The following LRRC4C variants were observed in gnomAD, a reference collection of about 807,000 sequenced individuals.
The protein encoded by LRRC4C is leucine rich repeat containing 4C, also known as leucine-rich repeat-containing protein 4C.
LRRC4C carries 5 observed loss-of-function variants against 33.6 expected under a neutral mutation model. That is an observed-to-expected ratio of 0.15 (90% CI 0.08 to 0.31). LRRC4C has a LOEUF of 0.31. Ranked by LOEUF, LRRC4C falls within the 10% of genes least tolerant of loss-of-function variation. The pLI is 1.00. For missense variants in LRRC4C, 560 were observed against 796.7 expected (o/e 0.70, Z 3.58); for synonymous variants, 329 against 302.0 (o/e 1.09, Z -0.93).
chr11:40,409,744 A>G (rs1303831706), intron 3 of LRRC4C, among the ~76,000 whole-genome samples: 1 of 152,060 alleles, frequency 6.6e-6, no homozygotes, highest in Non-Finnish European at 1.5e-5. Context: ...CGGTTTAGAA[A>G]TGATGTGGAG....
chr11:40,554,780 G>T (rs1434545483), intron 3 of LRRC4C, among the ~76,000 whole-genome samples: 1 of 115,826 alleles, frequency 8.6e-6, no homozygotes, highest in East Asian at 2.5e-4. Flanking sequence ...TCGCTCTGTC[G>T]CCCAGGTGTC....
chr11:40,490,487 C>T (rs1012590246), intron 3 of LRRC4C, among the ~76,000 whole-genome samples: 3 of 152,030 alleles, frequency 2.0e-5, no homozygotes, highest in Non-Finnish European at 4.4e-5. Flanking sequence ...TCTGTAATTA[C>T]TTAGATTTTT....
chr11:40,218,966 G>T (rs1039653807), intron 5 of LRRC4C, among the ~76,000 whole-genome samples: 1 of 151,980 alleles, frequency 6.6e-6, no homozygotes, highest in Non-Finnish European at 1.5e-5. Flanking sequence ...TATCTGCAAG[G>T]CTAGCTCTTT....
intron 1 of LRRC4C, among the ~76,000 whole-genome samples, chr11:41,043,977 A>G (rs1857604773): frequency 6.6e-6 from 1 of 152,074 alleles, no homozygotes; most frequent in Non-Finnish European, 1.5e-5. Context: ...AAAACACACA[A>G]CATATATCCA....
intron 2 of LRRC4C, among the ~76,000 whole-genome samples, chr11:40,857,053 C>T (rs1953820751): frequency 6.6e-6 from 1 of 152,148 alleles, no homozygotes; most frequent in Non-Finnish European, 1.5e-5. Context: ...AAAAGTGATT[C>T]CCAGCAAATG....
chr11:40,153,087 G>C (rs1858361727), intron 5 of LRRC4C, among the ~76,000 whole-genome samples: 1 of 152,154 alleles, frequency 6.6e-6, no homozygotes, highest in Non-Finnish European at 1.5e-5. Flanking sequence ...TCATGACTGA[G>C]AGACCCATAG....
At position 40,869,595 on chromosome 11, in the gene LRRC4C, T is replaced by C. The variant is rs749082811; in HGVS notation, c.-407+64040A>G. Among the ~76,000 whole-genome samples the C allele has an allele frequency of 3.3e-4, 50 of 152,210 alleles. 1 individual carries two copies. The highest frequency in any genetic ancestry group is 1.2e-3 in the African/African-American group (48 of 41,544). ...AGTTTAACTGGTATATGACCTTCTA[T>C]GGACATTTGGCTGGTAAGAGAACAC... On this transcript the variant is annotated intron_variant, in intron 2 of 6. Transcript: ENST00000528697.
intron 4 of LRRC4C, among the ~76,000 whole-genome samples, chr11:40,311,694 C>T (rs887007668): frequency 1.3e-5 from 2 of 152,078 alleles, no homozygotes; most frequent in Admixed American, 6.5e-5. Flanking sequence ...CACCTGTAAT[C>T]CCAGTATTTT....
At chr11:41,342,969 G>A (rs1279779290) in intron 1 of LRRC4C, among the ~76,000 whole-genome samples, 2 of 152,128 alleles carry the variant, frequency 1.3e-5, no homozygotes, top group East Asian at 3.9e-4. Context: ...ATTTCTGGTG[G>A]TGACAACCTT....
At chr11:40,156,858 T>A (rs995169505) in intron 5 of LRRC4C, among the ~76,000 whole-genome samples, 1 of 151,964 alleles carries the variant, frequency 6.6e-6, no homozygotes, top group Non-Finnish European at 1.5e-5. Flanking sequence ...ATCTACAAAT[T>A]CAACACAATT....
At chr11:40,214,145 G>T (rs971834264) in intron 5 of LRRC4C, among the ~76,000 whole-genome samples, 13 of 152,064 alleles carry the variant, frequency 8.5e-5, no homozygotes, top group Admixed American at 8.5e-4. Flanking sequence ...CTGATTAACC[G>T]CAGTTCTGGG....
chr11:40,883,519 G>T (rs895541003), intron 2 of LRRC4C, among the ~76,000 whole-genome samples: 1 of 152,044 alleles, frequency 6.6e-6, no homozygotes, highest in Non-Finnish European at 1.5e-5. Context: ...ATTCATGGGT[G>T]CAATTGCCAT....
intron 3 of LRRC4C, among the ~76,000 whole-genome samples, chr11:40,506,970 T>TA (rs1430112122): frequency 2.0e-5 from 3 of 152,070 alleles, no homozygotes; most frequent in Admixed American, 6.6e-5. Context: ...ACATACAGGG[T>TA]AAGTCTACTA....
chr11:40,550,921 T>C (rs1247247284), intron 3 of LRRC4C, among the ~76,000 whole-genome samples: 1 of 152,090 alleles, frequency 6.6e-6, no homozygotes, highest in Non-Finnish European at 1.5e-5. Flanking sequence ...TTGTAGAGTA[T>C]TGGTTGATGG....
intron 3 of LRRC4C, among the ~76,000 whole-genome samples, chr11:40,431,419 A>C (rs1950931784): frequency 6.7e-6 from 1 of 148,508 alleles, no homozygotes; most frequent in South Asian, 2.2e-4. Context: ...AAAATCAGAC[A>C]TTCTTAACTA....
intron 1 of LRRC4C, among the ~76,000 whole-genome samples, chr11:41,100,844 A>G (rs904527768): frequency 6.6e-6 from 1 of 152,158 alleles, no homozygotes; most frequent in Non-Finnish European, 1.5e-5. Context: ...AAAAACAGAC[A>G]CATAAACAAA....
intron 1 of LRRC4C, among the ~76,000 whole-genome samples, chr11:41,093,771 G>A (rs1005998232): frequency 1.3e-5 from 2 of 151,714 alleles, no homozygotes; most frequent in Non-Finnish European, 2.9e-5. Context: ...AATCATTAGT[G>A]GTTTTCCACA....
chr11:40,956,529 T>C (rs919934899), intron 1 of LRRC4C, among the ~76,000 whole-genome samples: 4 of 151,794 alleles, frequency 2.6e-5, no homozygotes, highest in African/African-American at 4.8e-5. Context: ...ATTTCTCATC[T>C]GTATAATGGG....
At chr11:40,329,277 A>C (rs72893177) in intron 3 of LRRC4C, among the ~76,000 whole-genome samples, 2,832 of 152,346 alleles carry the variant, frequency 0.019, 71 homozygotes, top group Non-Finnish European at 0.022. Context: ...GTGATGTCAC[A>C]GGAGAACAGA....
Sources: gnomAD v4.1 joint callset for allele counts (sites outside exome capture counted in the v4.1 genomes callset) on GRCh38, gnomAD v4.1.1 for gene constraint, MANE v1.5 for transcripts, NCBI Gene and HGNC (gene_info 2026-07-23, HGNC 2026-07-21) for gene names.